Variants in MAP4 observed in about 807,000 individuals in gnomAD.
MAP4 encodes the protein microtubule associated protein 4.
In MAP4, 76 loss-of-function variants were observed where a neutral mutation model predicts 170.2. The observed-to-expected ratio is 0.45, with a 90% CI of 0.37 to 0.54. MAP4 has a LOEUF of 0.54. MAP4 is among the 20% of genes least tolerant of loss of function. MAP4 has a pLI of 0.00. For synonymous variants in MAP4, 909 were observed against 994.5 expected (o/e 0.91, Z 1.62); for missense variants, 2,506 against 2,748.0 (o/e 0.91, Z 1.97).
intron 1 of MAP4, among the ~76,000 whole-genome samples, chr3:48,044,195 C>T (rs2100123146): frequency 6.7e-6 from 1 of 148,216 alleles, no homozygotes; most frequent in Non-Finnish European, 1.5e-5. Context: ...CACTCTGTTG[C>T]CCAGGCTGGA....
intron 3 of MAP4, among the ~76,000 whole-genome samples, chr3:47,967,523 G>C (rs760404972): frequency 3.3e-5 from 5 of 152,138 alleles, no homozygotes; most frequent in Non-Finnish European, 5.9e-5. Flanking sequence ...ATGGCGGCAG[G>C]CGCCTGTAAT....
At chr3:47,883,536 T>A (rs1422763000) in intron 10 of MAP4, among the ~76,000 whole-genome samples, 1 of 152,210 alleles carries the variant, frequency 6.6e-6, no homozygotes, top group African/African-American at 2.4e-5. Context: ...TTTCCATATT[T>A]TTACCCATTC....
intron 3 of MAP4, among the ~76,000 whole-genome samples, chr3:47,946,177 T>C (rs565137955): frequency 6.6e-6 from 1 of 150,524 alleles, no homozygotes; most frequent in Non-Finnish European, 1.5e-5. Flanking sequence ...TCTACTGACC[T>C]TGTCATCTGC....
At chr3:47,856,116 A>G (rs137998991) in intron 18 of MAP4, among the ~76,000 whole-genome samples, 1 of 152,220 alleles carries the variant, frequency 6.6e-6, no homozygotes, top group East Asian at 1.9e-4. Flanking sequence ...AGGGTGCGGG[A>G]CGAGCTGCCC....
At chr3:48,038,749 T>C (rs1579456834) in intron 1 of MAP4, among the ~76,000 whole-genome samples, 1 of 152,002 alleles carries the variant, frequency 6.6e-6, no homozygotes, top group Non-Finnish European at 1.5e-5. Flanking sequence ...CGTGAGCCAC[T>C]GTGCCCGGCC....
chr3:47,855,438 C>T lies in MAP4; in HGVS notation c.6584-78G>A. The T allele has an allele frequency of 1.2e-6, 1 of 856,130 alleles. No homozygotes were observed. 53.0% of individuals were successfully genotyped at this position (856,130 alleles called of 1,614,324 possible). The stretch of plus-strand genomic sequence containing the variant: ...GGCAAAACCAGGACTAGCGATATGC[C>T]CAATCTAGAAATGAGACAGACGTGA... On this transcript the variant is annotated intron_variant, in intron 18 of 20. Transcript: ENST00000683076. The surrounding 1 kb of genome is among the most constrained non-coding windows in gnomAD (Gnocchi z 5.1).
chr3:47,881,478 A>G (rs1447034276), intron 10 of MAP4, among the ~76,000 whole-genome samples: 4 of 101,732 alleles, frequency 3.9e-5, no homozygotes, highest in South Asian at 6.5e-4. Flanking sequence ...ATATATATAT[A>G]TATATATATA....
intron 3 of MAP4, among the ~76,000 whole-genome samples, chr3:47,967,759 C>T (rs2100075941): frequency 6.6e-6 from 1 of 152,176 alleles, no homozygotes; most frequent in African/African-American, 2.4e-5. Context: ...GCAAAGAGTT[C>T]AAGCCCATCC....
intron 1 of MAP4, among the ~76,000 whole-genome samples, chr3:48,033,154 C>T (rs2100117039): frequency 6.6e-6 from 1 of 152,150 alleles, no homozygotes; most frequent in African/African-American, 2.4e-5. Context: ...TCTTTTCTGT[C>T]CTATATCCCA....
intron 3 of MAP4, among the ~76,000 whole-genome samples, chr3:47,942,037 T>C (rs2100056831): frequency 6.6e-6 from 1 of 152,186 alleles, no homozygotes; most frequent in African/African-American, 2.4e-5. Context: ...AGAAGTCTGT[T>C]AGTCCAAATC....
chr3:47,949,079 T>C (rs976495140), intron 3 of MAP4, among the ~76,000 whole-genome samples: 1 of 152,198 alleles, frequency 6.6e-6, no homozygotes, highest in African/African-American at 2.4e-5. Flanking sequence ...TTTAACGCTA[T>C]CTTGAGCTGT....
At chr3:47,923,950 A>C (rs778344424) in intron 4 of MAP4, among the ~76,000 whole-genome samples, 13 of 152,220 alleles carry the variant, frequency 8.5e-5, no homozygotes, top group Non-Finnish European at 1.3e-4. Flanking sequence ...TCTGCCTCTC[A>C]CACTTCCCCC....
At position 47,970,331 on chromosome 3, in the gene MAP4, C is replaced by T. The variant is rs187695257; in HGVS notation, c.292+7534G>A. Among the ~76,000 whole-genome samples, 396 of 150,682 alleles carry T rather than the reference C, an allele frequency of 2.6e-3. 1 individual carries two copies. The highest frequency in any genetic ancestry group is 5.0e-3 in the Admixed American group (75 of 15,132). On this transcript the variant is annotated intron_variant, in intron 3 of 20. Transcript: ENST00000683076. The stretch of plus-strand genomic sequence containing the variant: ...AGAAACCCCGTCTCTACTAAAAATA[C>T]AAAATTAGCCAGGTATGGTGGCGTG...
intron 1 of MAP4, among the ~76,000 whole-genome samples, chr3:48,023,122 G>A (rs544757034): frequency 9.9e-5 from 15 of 152,158 alleles, no homozygotes; most frequent in African/African-American, 3.4e-4. Flanking sequence ...AATTTAAAAA[G>A]ACCAATGACT....
intron 10 of MAP4, among the ~76,000 whole-genome samples, chr3:47,902,725 G>A (rs536888762): frequency 6.8e-6 from 1 of 147,434 alleles, no homozygotes; most frequent in Non-Finnish European, 1.5e-5. Flanking sequence ...CAGAGGGCAA[G>A]TGGGGTGAGA....
At chr3:47,949,322 C>T (rs984373001) in intron 3 of MAP4, among the ~76,000 whole-genome samples, 1 of 151,800 alleles carries the variant, frequency 6.6e-6, no homozygotes, top group Non-Finnish European at 1.5e-5. Context: ...AAAAACTAGC[C>T]CAGTGTGGTG....
In MAP4 at chr3:47,885,059, G is replaced by A. The variant is rs185769298; in HGVS notation, c.5435-7536C>T. Among the ~76,000 whole-genome samples the A allele has an allele frequency of 1.0e-3, 158 of 152,290 alleles. 1 individual carries two copies. The highest frequency in any genetic ancestry group is 3.6e-3 in the African/African-American group (149 of 41,558). On this transcript the variant is annotated intron_variant, in intron 10 of 20. Coordinates refer to ENST00000683076, the MANE Select transcript of MAP4 (RefSeq NM_001385682.1). ...ACTGCTGGGGATGGGTAGTGAAACA[G>A]GGCTCACCATTAGGTCTTTGCTGGG...
intron 1 of MAP4, among the ~76,000 whole-genome samples, chr3:48,061,640 T>C (rs2100135367): frequency 6.8e-6 from 1 of 147,472 alleles, no homozygotes; most frequent in African/African-American, 2.5e-5. Context: ...GGAGCGTCTC[T>C]GCCTGGCCGC....
intron 1 of MAP4, among the ~76,000 whole-genome samples, chr3:48,067,827 A>G (rs2154562812): frequency 6.6e-6 from 1 of 152,086 alleles, no homozygotes; most frequent in Non-Finnish European, 1.5e-5. Flanking sequence ...TTTAGTAGAG[A>G]TGGGGTTTTG....
Sources: allele counts gnomAD v4.1 joint callset (sites outside exome capture counted in the v4.1 genomes callset), GRCh38; gene constraint gnomAD v4.1.1; non-coding constraint Gnocchi (gnomAD v3.1); transcripts MANE v1.5; gene names NCBI Gene and HGNC (gene_info 2026-07-23, HGNC 2026-07-21).